Variants in SLC14A2 observed in about 807,000 individuals in gnomAD.
SLC14A2 encodes solute carrier family 14 member 2.
Under a neutral mutation model 104.6 loss-of-function variants are expected in SLC14A2, and 91 were observed. The ratio of observed to expected loss-of-function variants is 0.87; its 90% CI spans 0.73 to 1.04. SLC14A2 has a LOEUF of 1.04. Ranked by LOEUF, SLC14A2 falls within the 50% of genes least tolerant of loss-of-function variation. The pLI is 0.00. For missense variants in SLC14A2, 1,189 were observed against 1,156.0 expected, an observed-to-expected ratio of 1.03 and a Z score of -0.41; for synonymous variants, 476 against 466.4, an observed-to-expected ratio of 1.02 and a Z score of -0.27.
chr18:45,396,922 G>A (rs2086040177), intron 1 of SLC14A2, among the ~76,000 whole-genome samples: 1 of 151,896 alleles, frequency 6.6e-6, no homozygotes, highest in Non-Finnish European at 1.5e-5. Flanking sequence ...GTGGAATTTG[G>A]TTTTCTGTTC....
chr18:45,552,092 C>T lies in SLC14A2; in HGVS notation c.-35+68770C>T, dbSNP rs375353967. 4.3e-4 allele frequency among the ~76,000 whole-genome samples: 66 copies of T among 152,236 alleles called. No homozygotes were observed. The East Asian group carries it at 5.8e-3, about 13-fold the overall frequency. The stretch of plus-strand genomic sequence containing the variant: ...ATAACTAACTTTTTAGTAGCAGATC[C>T]GTGACCCATACAGGGCTCTTGTCCA... On this transcript the variant is annotated intron_variant, in intron 2 of 20. Coordinates refer to the SLC14A2 transcript ENST00000586448.
At chr18:45,418,196 G>A (rs1168982732) in intron 1 of SLC14A2, among the ~76,000 whole-genome samples, 9 of 152,146 alleles carry the variant, frequency 5.9e-5, no homozygotes, top group African/African-American at 1.9e-4. Flanking sequence ...TGCTAGGTGT[G>A]TGGGGGGAAC....
intron 2 of SLC14A2, among the ~76,000 whole-genome samples, chr18:45,510,113 C>T (rs934053055): frequency 6.6e-6 from 1 of 152,192 alleles, no homozygotes; most frequent in African/African-American, 2.4e-5. Context: ...GACACTTAAC[C>T]TCTTTGAGCC....
At chr18:45,642,475 G>A (rs1459378378) in intron 8 of SLC14A2, among the ~76,000 whole-genome samples, 1 of 152,234 alleles carries the variant, frequency 6.6e-6, no homozygotes, top group East Asian at 1.9e-4. Flanking sequence ...AGTAGGATCT[G>A]AGTTGACAAA....
chr18:45,555,776 G>A (rs2144296240), intron 2 of SLC14A2, among the ~76,000 whole-genome samples: 2 of 152,306 alleles, frequency 1.3e-5, no homozygotes, highest in South Asian at 4.1e-4. Flanking sequence ...AGCTACTTGG[G>A]TCGCCAAGGG....
At chr18:45,298,215 T>C (rs2084935213) in intron 1 of SLC14A2, among the ~76,000 whole-genome samples, 1 of 152,228 alleles carries the variant, frequency 6.6e-6, no homozygotes, top group African/African-American at 2.4e-5. Flanking sequence ...GGAAAATGTG[T>C]TCCAGAATCA....
At chr18:45,539,006 A>G (rs772944197) in intron 2 of SLC14A2, among the ~76,000 whole-genome samples, 7 of 151,924 alleles carry the variant, frequency 4.6e-5, no homozygotes, top group Admixed American at 3.3e-4. Context: ...TGTAAAGCCT[A>G]TAAAGGTCAG....
chr18:45,540,918 A>G (rs1432326018), intron 2 of SLC14A2, among the ~76,000 whole-genome samples: 1 of 152,112 alleles, frequency 6.6e-6, no homozygotes, highest in Admixed American at 6.5e-5. Flanking sequence ...CAAGGATTCC[A>G]TTGGGTTCCA....
At chr18:45,446,288 G>T (rs1010525412) in intron 1 of SLC14A2, among the ~76,000 whole-genome samples, 49 of 145,802 alleles carry the variant, frequency 3.4e-4, no homozygotes, top group Non-Finnish European at 1.3e-4. Flanking sequence ...ATGGGTTTTG[G>T]ATTTGGAGCT....
chr18:45,457,928 C>T lies in SLC14A2; in HGVS notation c.-124-25305C>T, dbSNP rs1308750943. 4.6e-5 allele frequency among the ~76,000 whole-genome samples: 7 copies of T among 152,088 alleles called. No individual in the cohort carries two copies. In the East Asian group the frequency reaches 5.8e-4, roughly 13 times the overall value. ...AGTCAGATGCTGTCCTATGGGGAGA[C>T]GAGTGTCAAGAATCAGGGAGGAAAG... On this transcript the variant is annotated intron_variant, in intron 1 of 20. Transcript: ENST00000586448.
At chr18:45,392,081 CTT>C (rs1358496459) in intron 1 of SLC14A2, among the ~76,000 whole-genome samples, 2 of 152,210 alleles carry the variant, frequency 1.3e-5, no homozygotes, top group Non-Finnish European at 2.9e-5. Flanking sequence ...AGTTTAATAA[CTT>C]GTCCTGGGAC....
chr18:45,170,443 T>C, the SLC14A2 span, among the ~76,000 whole-genome samples: 2 of 151,884 alleles, frequency 1.3e-5, no homozygotes, highest in African/African-American at 4.8e-5. Flanking sequence ...TGAGGAGAAA[T>C]GTAGGTTGGT....
At chr18:45,240,635 TTTTTTGTTTTTTTTG>T (rs1300381238) in intron 1 of SLC14A2, among the ~76,000 whole-genome samples, 3 of 149,848 alleles carry the variant, frequency 2.0e-5, no homozygotes, top group South Asian at 4.2e-4. Flanking sequence ...AAAGTGTTTT[TTTTTTGTTTTTTTTG>T]TTTTTGTTTT....
rs557370674 is a variant in SLC14A2, at chr18:45,558,196, C to T, written c.-34-66435C>T. Among the ~76,000 whole-genome samples the T allele has an allele frequency of 8.5e-5, 13 of 152,298 alleles. No homozygotes were observed. The South Asian group carries it at 2.7e-3, about 32-fold the overall frequency. ...TTGGTACCTTTCTCTCTCCTTTGTCCTTCCAAATCCCATCTGTCCTCTAAA... is the reference window on the plus strand; with the variant it reads ...TTGGTACCTTTCTCTCTCCTTTGTCTTTCCAAATCCCATCTGTCCTCTAAA... On this transcript the variant is annotated intron_variant, in intron 2 of 20. Transcript: ENST00000586448.
intron 1 of SLC14A2, among the ~76,000 whole-genome samples, chr18:45,255,816 AC>A (rs1302070852): frequency 6.6e-6 from 1 of 151,538 alleles, no homozygotes; most frequent in African/African-American, 2.4e-5. Flanking sequence ...CAGCCCCTGC[AC>A]CCCCTGCACC....
chr18:45,662,845 C>T (rs138987602), intron 10 of SLC14A2, among the ~76,000 whole-genome samples: 15 of 152,084 alleles, frequency 9.9e-5, no homozygotes, highest in Non-Finnish European at 2.9e-5. Flanking sequence ...CTGCATACCC[C>T]CCAGGATCAC....
intron 2 of SLC14A2, among the ~76,000 whole-genome samples, chr18:45,556,703 C>T (rs1434401850): frequency 6.6e-6 from 1 of 152,150 alleles, no homozygotes; most frequent in African/African-American, 2.4e-5. Flanking sequence ...TTTATATTTA[C>T]ACAATACAAT....
chr18:45,270,305 C>T (rs1412889464), intron 1 of SLC14A2, among the ~76,000 whole-genome samples: 1 of 152,070 alleles, frequency 6.6e-6, no homozygotes, highest in Non-Finnish European at 1.5e-5. Flanking sequence ...ACAATTTGCA[C>T]CCAGTTTTTT....
chr18:45,229,203 A>C (rs886215680), intron 1 of SLC14A2, among the ~76,000 whole-genome samples: 62 of 152,184 alleles, frequency 4.1e-4, no homozygotes, highest in African/African-American at 1.4e-3. Flanking sequence ...CTTTTCTTGT[A>C]AGCCCCTGTG....
Sources: gnomAD v4.1 joint callset for allele counts (sites outside exome capture counted in the v4.1 genomes callset) on GRCh38, gnomAD v4.1.1 for gene constraint, MANE v1.5 for transcripts, NCBI Gene and HGNC (gene_info 2026-07-23, HGNC 2026-07-21) for gene names.